The following ERCC4 variants were observed in gnomAD, a reference collection of about 807,000 sequenced individuals.
The protein encoded by ERCC4 is DNA repair endonuclease XPF.
A neutral mutation model predicts 76.9 loss-of-function variants in ERCC4; 65 were observed. The ratio of observed to expected loss-of-function variants is 0.84; its 90% CI spans 0.69 to 1.04. The LOEUF (loss-of-function observed/expected upper bound fraction) is 1.04. Among genes scored for constraint, ERCC4 ranks in the 50% least tolerant of loss-of-function variants. ERCC4 has a pLI of 0.00. For synonymous variants in ERCC4, 463 were observed against 410.1 expected, an observed-to-expected ratio of 1.13 and a Z score of -1.56; for missense variants, 1,214 against 1,128.2, an observed-to-expected ratio of 1.08 and a Z score of -1.09.
intron 9 of ERCC4, 132 bp downstream of exon 9, chr16:13,937,990 G>A (rs1311183881): frequency 1.4e-6 from 1 of 697,252 alleles, no homozygotes; most frequent in East Asian, 2.7e-5. Context: ...AGATAAACCT[G>A]TGGTCTGAAT....
chr16:13,938,783 G>GTGAA (rs2032355718), intron 9 of ERCC4, among the ~76,000 whole-genome samples: 2 of 152,208 alleles, frequency 1.3e-5, no homozygotes, highest in African/African-American at 4.8e-5. Context: ...TTTCAAAATG[G>GTGAA]ATAACCATTC....
At chr16:13,933,821 A>G (rs2032230337) in intron 6 of ERCC4, 1 of 171,132 alleles carries the variant, frequency 5.8e-6, no homozygotes, top group Admixed American at 5.9e-5. Context: ...ATCCATGTTC[A>G]GGATTATGAA....
At chr16:13,939,416 G>C (rs772441192) in intron 9 of ERCC4, among the ~76,000 whole-genome samples, 2 of 152,102 alleles carry the variant, frequency 1.3e-5, no homozygotes, top group African/African-American at 4.8e-5. Context: ...ACAGAGCACC[G>C]CTGGCTGCAA....
Position 13,948,565 on chromosome 16 carries a change from A to G in ERCC4, c.*218A>G, listed in dbSNP as rs879319131. 6.9e-5 allele frequency: 40 copies of G among 578,644 alleles called. No homozygotes were observed. Among genetic ancestry groups the G allele is most frequent in the Non-Finnish European group, 9.5e-5 (31 of 326,444 alleles). 35.8% of individuals were successfully genotyped at this position (578,644 alleles called of 1,614,324 possible). ...GCTCTTTTTCCTCCCTGCACCGTCT[A>G]TGCCGGGCTTAGCATGTTTCTTTTT... On this transcript the variant is annotated 3_prime_UTR_variant, in exon 11 of 11. Transcript: ENST00000311895.
chr16:13,934,153 T>C, intron 6 of ERCC4, 39 bp from the exon 7 acceptor site: 2 of 1,341,924 alleles, frequency 1.5e-6, no homozygotes, highest in Non-Finnish European at 2.1e-6. Flanking sequence ...TATGGGTAAA[T>C]ATTATCACAT....
chr16:13,922,067 G>A lies in ERCC4; in HGVS notation c.244G>A (p.Glu82Lys). 3 of 1,613,796 alleles carry A rather than the reference G, an allele frequency of 1.9e-6. No homozygotes were observed. The highest frequency in any genetic ancestry group is 2.5e-6 in the Non-Finnish European group (3 of 1,179,806). The change falls in exon 2 of 11, where the codon GAA (glutamate) becomes AAA (lysine). Residue 82 changes from glutamate (E) to lysine (K), a missense_variant. Coordinates refer to ENST00000311895, the MANE Select transcript of ERCC4 (RefSeq NM_005236.3). ...CAATCAGCTGAAGATAGAAGGAGTT[G>A]AACACCTCCCTCGCCGTGTAACAAA... Reference protein sequence around the residue: ...FINQLKIEGVEHLPRRVTNEI... With the variant: ...FINQLKIEGVKHLPRRVTNEI...
intron 7 of ERCC4, chr16:13,934,590 T>A (rs1267666574): frequency 5.1e-6 from 2 of 389,386 alleles, no homozygotes; most frequent in Non-Finnish European, 4.7e-6. Context: ...TTCTTAGAAC[T>A]TCTATTTAAA....
intron 9 of ERCC4, 56 bp downstream of exon 9, chr16:13,937,914 G>A (rs41563716): frequency 6.5e-6 from 7 of 1,080,520 alleles, no homozygotes; most frequent in Non-Finnish European, 1.0e-5. Flanking sequence ...CCTCTGGATG[G>A]GGGAATATCA....
At chr16:13,947,473 T>C (rs1354638553) in intron 10 of ERCC4, 141 bp from the exon 11 acceptor site, 6 of 950,336 alleles carry the variant, frequency 6.3e-6, no homozygotes, top group South Asian at 1.5e-5. Flanking sequence ...TTTGAAAATA[T>C]AGAAATTATA....
At chr16:13,926,908 T>A (rs897728892) in intron 3 of ERCC4, 152 bp downstream of exon 3, 31 of 661,220 alleles carry the variant, frequency 4.7e-5, no homozygotes, top group Non-Finnish European at 7.4e-5. Flanking sequence ...AACAAACACA[T>A]CCAGCTATAA....
chr16:13,931,193 T>A, intron 5 of ERCC4: 1 of 334,792 alleles, frequency 3.0e-6, no homozygotes, highest in Non-Finnish European at 5.5e-6. Flanking sequence ...TCTGGAAGTT[T>A]AGTTGTTAAG....
chr16:13,941,008 A>G (rs2032402860), intron 9 of ERCC4, among the ~76,000 whole-genome samples: 1 of 152,228 alleles, frequency 6.6e-6, no homozygotes, highest in Non-Finnish European at 1.5e-5. Context: ...CCAGTGCATC[A>G]GGGAATCTAA....
chr16:13,930,673 C>T (rs2141948316), intron 4 of ERCC4, 37 bp from the exon 5 acceptor site: 12 of 1,432,584 alleles, frequency 8.4e-6, no homozygotes, highest in Non-Finnish European at 9.8e-6. Flanking sequence ...CTATACTTAA[C>T]ATATTTTAGC....
At chr16:13,922,745 C>T (rs891822781) in intron 2 of ERCC4, 4 of 331,248 alleles carry the variant, frequency 1.2e-5, no homozygotes, top group East Asian at 1.5e-4. Context: ...CTCTGCTGAA[C>T]GCTCTACTAG....
rs112419956 is a variant in ERCC4, at chr16:13,920,204, G to A, written c.39G>A (p.Ala13=). 2 of 1,607,114 alleles carry A rather than the reference G, an allele frequency of 1.2e-6. No individual in the cohort carries two copies. The highest frequency in any genetic ancestry group is 1.3e-5 in the African/African-American group (1 of 74,936). The change falls in exon 1 of 11, where the codon GCG becomes GCA. Residue 13 remains alanine (A), a synonymous_variant. Coordinates refer to ENST00000311895, the MANE Select transcript of ERCC4 (RefSeq NM_005236.3). ...SGQPARRIAM[A]PLLEYERQLV... ...AGCCGGCTCGACGGATTGCCATGGC[G>A]CCGCTGCTGGAGTACGAGCGACAGC...
rs978861686 is a variant in ERCC4, at chr16:13,948,561, G to A, written c.*214G>A. The A allele has an allele frequency of 1.7e-5, 10 of 585,556 alleles. No individual in the cohort carries two copies. The highest frequency in any genetic ancestry group is 3.0e-5 in the Admixed American group (1 of 33,300). The allele number at this position is 585,556 out of a possible 1,614,324, so 36.3% of individuals were successfully genotyped here. A position where few individuals can be genotyped will look rare whatever the true frequency, so the allele number is the denominator to read the frequency against. The stretch of plus-strand genomic sequence containing the variant: ...GCCTGCTCTTTTTCCTCCCTGCACC[G>A]TCTATGCCGGGCTTAGCATGTTTCT... On this transcript the variant is annotated 3_prime_UTR_variant, in exon 11 of 11. Transcript: ENST00000311895.
At chr16:13,938,665 G>A (rs376090289) in intron 9 of ERCC4, among the ~76,000 whole-genome samples, 246 of 152,334 alleles carry the variant, frequency 1.6e-3, no homozygotes, top group African/African-American at 5.7e-3. Context: ...CCTGGACGGA[G>A]TGGGCTGGGC....
intron 3 of ERCC4, 121 bp from the exon 4 acceptor site, chr16:13,927,907 G>T: frequency 1.4e-6 from 1 of 721,442 alleles, no homozygotes; most frequent in Admixed American, 2.2e-5. Flanking sequence ...CTTTTCATTT[G>T]TTTGTTGTTT....
chr16:13,925,722 AAG>A (rs1177819901), intron 2 of ERCC4, among the ~76,000 whole-genome samples: 1 of 152,184 alleles, frequency 6.6e-6, no homozygotes, highest in African/African-American at 2.4e-5. Context: ...TTAGGTCTAA[AAG>A]ACAGACTCGT....
Sources: gnomAD v4.1 joint callset for allele counts (sites outside exome capture counted in the v4.1 genomes callset) on GRCh38, gnomAD v4.1.1 for gene constraint, MANE v1.5 for transcripts, NCBI Gene and HGNC (gene_info 2026-07-23, HGNC 2026-07-21) for gene names.